LRRC30: variants seen among roughly 807,000 people sequenced by gnomAD.
LRRC30 encodes leucine rich repeat containing 30.
In LRRC30, 10 loss-of-function variants were observed where a neutral mutation model predicts 14.8. The ratio of observed to expected loss-of-function variants is 0.68; its 90% CI spans 0.42 to 1.15. LRRC30 has a LOEUF of 1.15. LRRC30 is among the 50% of genes most tolerant of loss of function. The pLI is 0.00. For synonymous variants in LRRC30, 202 were observed against 175.7 expected (o/e 1.15, Z -1.18); for missense variants, 403 against 373.9 (o/e 1.08, Z -0.64).
Position 7,231,216 on chromosome 18 carries a change from G to A in LRRC30, c.78G>A (p.Lys26=). 5 of 1,613,312 alleles carry A rather than the reference G, an allele frequency of 3.1e-6. No homozygotes were observed. The highest frequency in any genetic ancestry group is 4.2e-6 in the Non-Finnish European group (5 of 1,179,266). The change falls in exon 1 of 1, where the codon AAG becomes AAA. Residue 26 remains lysine (K), a synonymous_variant. Transcript: ENST00000383467. The stretch of plus-strand genomic sequence containing the variant: ...TGCTGTTCACGGGGAGGAGACAGAA[G>A]TTTTCTCCGTGGGACGATGCCCTGC... ...KRMLFTGRRQ[K]FSPWDDALLS... is the part of the protein sequence containing the mutation.
chr18:7,231,220 T>C lies in LRRC30; in HGVS notation c.82T>C (p.Ser28Pro), dbSNP rs2058618375. 2 of 1,613,092 alleles carry C rather than the reference T, an allele frequency of 1.2e-6. No homozygotes were observed. Among genetic ancestry groups the C allele is most frequent in the Non-Finnish European group, 1.7e-6 (2 of 1,179,224 alleles). Residue 28 changes from serine (S) to proline (P), a missense_variant, in exon 1 of 1, where the codon TCT (serine) becomes CCT (proline). Physicochemically the swap from Ser to Pro is moderately conservative, Grantham distance 74. Coordinates refer to ENST00000383467, the MANE Select transcript of LRRC30 (RefSeq NM_001105581.3). ...GTTCACGGGGAGGAGACAGAAGTTT[T>C]CTCCGTGGGACGATGCCCTGCTCTC... is the stretch of plus-strand genomic sequence containing the variant. The part of the protein sequence containing the change: ...MLFTGRRQKF[S>P]PWDDALLSGR...
rs1355618374 is a variant in LRRC30, at chr18:7,231,231, C to T, written c.93C>T (p.Asp31=). 3.1e-6 allele frequency: 5 copies of T among 1,613,784 alleles called. No individual in the cohort carries two copies. Among genetic ancestry groups the T allele is most frequent in the Non-Finnish European group, 4.2e-6 (5 of 1,179,722 alleles). Residue 31 remains aspartate, a synonymous_variant, in exon 1 of 1, where the codon GAC becomes GAT. Transcript: ENST00000383467. ...TGRRQKFSPW[D]DALLSGRDPR... is the part of the protein sequence containing the mutation. ...GGAGACAGAAGTTTTCTCCGTGGGA[C>T]GATGCCCTGCTCTCGGGAAGGGACC...
Position 7,231,359 on chromosome 18 carries a change from A to C in LRRC30, c.221A>C (p.Gln74Pro), listed in dbSNP as rs375259905. 19 of 1,614,126 alleles carry C rather than the reference A, an allele frequency of 1.2e-5. No homozygotes were observed. The African/African-American group carries it at 2.4e-4, about 20-fold the overall frequency. Residue 74 changes from glutamine (Q) to proline (P), a missense_variant, in exon 1 of 1, where the codon CAG (glutamine) becomes CCG (proline). Gln to Pro is a moderately conservative substitution (Grantham distance 76, BLOSUM62 -1). Transcript: ENST00000383467. ...TTTCTGTGGGGCTTGTCCGAGGTCC[A>C]GAAACTCAATCTGTCTCACAACCAG... ...PDFLWGLSEVQKLNLSHNQLR... is the reference protein window; with the variant it reads ...PDFLWGLSEVPKLNLSHNQLR...
In LRRC30 at chr18:7,231,741, C is replaced by T. The variant is rs202241153; in HGVS notation, c.603C>T (p.Ile201=). 5.0e-6 allele frequency: 8 copies of T among 1,614,170 alleles called. No homozygotes were observed. The Admixed American group carries it at 6.7e-5, about 13-fold the overall frequency. ...TGGGCTCGAATCGCCTGGAAAACAT[C>T]GCTGAGAGCATCCAGCACCTGGCCA... is the stretch of plus-strand genomic sequence containing the variant. The part of the protein sequence containing the change: ...LHVGSNRLEN[I]AESIQHLASL... The change falls in exon 1 of 1, where the codon ATC becomes ATT. Residue 201 remains isoleucine (I), a synonymous_variant. Transcript: ENST00000383467.
In LRRC30 at chr18:7,231,095, T is replaced by C. The variant is rs200606033; in HGVS notation, c.-44T>C. 1,818 of 1,536,144 alleles carry C rather than the reference T, an allele frequency of 1.2e-3. 4 individuals carry two copies. The highest frequency in any genetic ancestry group is 1.4e-3 in the Non-Finnish European group (1,588 of 1,140,014). On this transcript the variant is annotated 5_prime_UTR_variant, in exon 1 of 1. Transcript: ENST00000383467. ...TTAGCAGCTGAGAGGACACGGTCCC[T>C]GCCTGGGAGGTGGCAGAGGAGAGTG...
chr18:7,231,619 G>T lies in LRRC30; in HGVS notation c.481G>T (p.Asp161Tyr), dbSNP rs746658153. The change falls in exon 1 of 1, where the codon GAC (aspartate) becomes TAC (tyrosine). Residue 161 changes from aspartate (D) to tyrosine (Y), a missense_variant. Coordinates refer to ENST00000383467, the MANE Select transcript of LRRC30 (RefSeq NM_001105581.3). ...CLSQLPACFADLSRLRKLNLS... is the reference protein window; with the variant it reads ...CLSQLPACFAYLSRLRKLNLS... ...GTCCCAGCTCCCTGCATGCTTCGCC[G>T]ACCTCTCTAGACTGAGGAAGCTAAA... 3 of 1,614,030 alleles carry T rather than the reference G, an allele frequency of 1.9e-6. No individual in the cohort carries two copies. The South Asian group carries it at 3.3e-5, about 18-fold the overall frequency.
Position 7,231,741 on chromosome 18 carries a change from C to A in LRRC30, c.603C>A (p.Ile201=). The A allele has an allele frequency of 6.2e-7, 1 of 1,614,170 alleles. No individual in the cohort carries two copies. Among genetic ancestry groups the A allele is most frequent in the Non-Finnish European group, 8.5e-7 (1 of 1,180,040 alleles). ...LHVGSNRLEN[I]AESIQHLASL... is the part of the protein sequence containing the mutation. ...TGGGCTCGAATCGCCTGGAAAACAT[C>A]GCTGAGAGCATCCAGCACCTGGCCA... The change falls in exon 1 of 1, where the codon ATC becomes ATA. Residue 201 remains isoleucine (I), a synonymous_variant. Coordinates refer to ENST00000383467, the MANE Select transcript of LRRC30 (RefSeq NM_001105581.3).
rs199825121 is a variant in LRRC30, at chr18:7,231,113, G to A, written c.-26G>A. On this transcript the variant is annotated 5_prime_UTR_variant, in exon 1 of 1. Coordinates refer to ENST00000383467, the MANE Select transcript of LRRC30 (RefSeq NM_001105581.3). Reference sequence around the variant, plus strand: ...CGGTCCCTGCCTGGGAGGTGGCAGAGGAGAGTGACTAGAAGGGAAGGTACA... The same window carrying A: ...CGGTCCCTGCCTGGGAGGTGGCAGAAGAGAGTGACTAGAAGGGAAGGTACA... 26 of 1,548,778 alleles carry A rather than the reference G, an allele frequency of 1.7e-5. No homozygotes were observed. The highest frequency in any genetic ancestry group is 3.6e-4 in the Middle Eastern group (2 of 5,628).
rs1402862266 is a variant in LRRC30 at position 7,231,879 on chromosome 18, C to T, written c.741C>T (p.Leu247=). The T allele has an allele frequency of 3.7e-6, 6 of 1,614,136 alleles. No individual in the cohort carries two copies. Among genetic ancestry groups the T allele is most frequent in the Non-Finnish European group, 5.1e-6 (6 of 1,180,034 alleles). ...TCAACAACAATGACATCCAGACCCT[C>T]CCGAGCGAACTCCACCTGCTGTGTA... is the stretch of plus-strand genomic sequence containing the variant. The part of the protein sequence containing the change: ...LNLNNNDIQT[L]PSELHLLCRL... Residue 247 remains leucine (L), a synonymous_variant, in exon 1 of 1, where the codon CTC becomes CTT. Transcript: ENST00000383467.
In LRRC30 at chr18:7,231,547, A is replaced by AG; in HGVS notation, c.410dup (p.Ser137ArgfsTer28). On this transcript the variant is annotated frameshift_variant, in exon 1 of 1. Transcript: ENST00000383467. LOFTEE classifies it high-confidence loss of function. ...CCTGACAGAGGTGCCGGCCGAGCTG[A>AG]GCTTGTGCCGAAAGCTGGAGGTCCT... 6.2e-7 allele frequency: 1 copy of AG among 1,613,670 alleles called. No homozygotes were observed. Among genetic ancestry groups the AG allele is most frequent in the East Asian group, 2.2e-5 (1 of 44,862 alleles).
Position 7,231,900 on chromosome 18 carries a change from G to T in LRRC30, c.762G>T (p.Leu254=). The T allele has an allele frequency of 6.2e-7, 1 of 1,614,058 alleles. No individual in the cohort carries two copies. The highest frequency in any genetic ancestry group is 1.7e-5 in the Admixed American group (1 of 60,012). The change falls in exon 1 of 1, where the codon CTG becomes CTT. Residue 254 remains leucine (L), a synonymous_variant. Transcript: ENST00000383467. ...CCCTCCCGAGCGAACTCCACCTGCTGTGTAGACTGGTGAGGATCGCCTGGA... is the reference window on the plus strand; with the variant it reads ...CCCTCCCGAGCGAACTCCACCTGCTTTGTAGACTGGTGAGGATCGCCTGGA... ...IQTLPSELHL[L]CRLVRIAWNP...
At position 7,231,344 on chromosome 18, in the gene LRRC30, G is replaced by A. The variant is rs777109840; in HGVS notation, c.206G>A (p.Gly69Asp). 14 of 1,614,126 alleles carry A rather than the reference G, an allele frequency of 8.7e-6. No individual in the cohort carries two copies. The Admixed American group carries it at 2.3e-4, about 27-fold the overall frequency. Residue 69 changes from glycine to aspartate, a missense_variant, in exon 1 of 1, where the codon GGC becomes GAC. By Grantham distance (94) the Gly-to-Asp change is moderately conservative (BLOSUM62 -1). Transcript: ENST00000383467. The part of the protein sequence containing the change: ...GMTDIPDFLW[G>D]LSEVQKLNLS... ...ACAGACATCCCCGACTTTCTGTGGG[G>A]CTTGTCCGAGGTCCAGAAACTCAAT...
chr18:7,231,581 C>T lies in LRRC30; in HGVS notation c.443C>T (p.Ser148Leu), dbSNP rs541201294. The T allele has an allele frequency of 4.3e-6, 7 of 1,613,904 alleles. No homozygotes were observed. Among genetic ancestry groups the T allele is most frequent in the Non-Finnish European group, 5.9e-6 (7 of 1,180,040 alleles). The change falls in exon 1 of 1, where the codon TCG becomes TTG. Residue 148 changes from serine to leucine, a missense_variant. Transcript: ENST00000383467. ...LCRKLEVLSL[S>L]HNCLSQLPAC... The stretch of plus-strand genomic sequence containing the variant: ...CGAAAGCTGGAGGTCCTGAGCTTGT[C>T]GCACAACTGCCTGTCCCAGCTCCCT...
chr18:7,231,896 T>C lies in LRRC30; in HGVS notation c.758T>C (p.Leu253Pro). 6.2e-7 allele frequency: 1 copy of C among 1,614,062 alleles called. No individual in the cohort carries two copies. Among genetic ancestry groups the C allele is most frequent in the African/African-American group, 1.3e-5 (1 of 75,016 alleles). ...DIQTLPSELH[L>P]LCRLVRIAWN... ...CAGACCCTCCCGAGCGAACTCCACCTGCTGTGTAGACTGGTGAGGATCGCC... is the reference window on the plus strand; with the variant it reads ...CAGACCCTCCCGAGCGAACTCCACCCGCTGTGTAGACTGGTGAGGATCGCC... Residue 253 changes from leucine (L) to proline (P), a missense_variant, in exon 1 of 1, where the codon CTG becomes CCG. By Grantham distance (98) the Leu-to-Pro change is moderately conservative. Coordinates refer to ENST00000383467, the MANE Select transcript of LRRC30 (RefSeq NM_001105581.3).
rs1414429894 is a variant in LRRC30 at position 7,231,639 on chromosome 18, G to GTAAA, written c.501_502insTAAA (p.Leu168Ter). 1.2e-6 allele frequency: 2 copies of GTAAA among 1,614,048 alleles called. No homozygotes were observed. On this transcript the variant is annotated stop_gained and frameshift_variant, in exon 1 of 1. Transcript: ENST00000383467. LOFTEE classifies it high-confidence loss of function. ...TCGCCGACCTCTCTAGACTGAGGAA[G>GTAAA]CTAAACCTCAGCAACAACTTCTTCG...
Position 7,231,356 on chromosome 18 carries a change from T to C in LRRC30, c.218T>C (p.Val73Ala). The C allele has an allele frequency of 1.2e-6, 2 of 1,614,116 alleles. No individual in the cohort carries two copies. Among genetic ancestry groups the C allele is most frequent in the Non-Finnish European group, 1.7e-6 (2 of 1,180,026 alleles). The stretch of plus-strand genomic sequence containing the variant: ...GACTTTCTGTGGGGCTTGTCCGAGG[T>C]CCAGAAACTCAATCTGTCTCACAAC... ...IPDFLWGLSE[V>A]QKLNLSHNQL... is the part of the protein sequence containing the mutation. Residue 73 changes from valine (V) to alanine (A), a missense_variant, in exon 1 of 1, where the codon GTC becomes GCC. Physicochemically the swap from Val to Ala is moderately conservative, Grantham distance 64. Coordinates refer to ENST00000383467, the MANE Select transcript of LRRC30 (RefSeq NM_001105581.3).
Position 7,231,368 on chromosome 18 carries a change from A to G in LRRC30, c.230A>G (p.Asn77Ser). The G allele has an allele frequency of 1.9e-6, 3 of 1,614,192 alleles. No homozygotes were observed. The highest frequency in any genetic ancestry group is 2.5e-6 in the Non-Finnish European group (3 of 1,180,036). Residue 77 changes from asparagine (N) to serine (S), a missense_variant, in exon 1 of 1, where the codon AAT becomes AGT. Asn to Ser is a conservative substitution (Grantham distance 46, BLOSUM62 1). Transcript: ENST00000383467. The part of the protein sequence containing the change: ...LWGLSEVQKL[N>S]LSHNQLRVLP... ...GGCTTGTCCGAGGTCCAGAAACTCA[A>G]TCTGTCTCACAACCAGCTCCGGGTT...
In LRRC30 at chr18:7,231,113, G is replaced by C; in HGVS notation, c.-26G>C. On this transcript the variant is annotated 5_prime_UTR_variant, in exon 1 of 1. Transcript: ENST00000383467. Reference sequence around the variant, plus strand: ...CGGTCCCTGCCTGGGAGGTGGCAGAGGAGAGTGACTAGAAGGGAAGGTACA... The same window carrying C: ...CGGTCCCTGCCTGGGAGGTGGCAGACGAGAGTGACTAGAAGGGAAGGTACA... 1 of 1,548,778 alleles carries C rather than the reference G, an allele frequency of 6.5e-7. No individual in the cohort carries two copies. The highest frequency in any genetic ancestry group is 1.9e-5 in the Admixed American group (1 of 52,952).
At position 7,231,857 on chromosome 18, in the gene LRRC30, A is replaced by G. The variant is rs77059471; in HGVS notation, c.719A>G (p.Asn240Ser). The part of the protein sequence containing the change: ...LVTSLELLNL[N>S]NNDIQTLPSE... ...ACCAGCCTGGAGCTGCTGAACCTCA[A>G]CAACAATGACATCCAGACCCTCCCG... The change falls in exon 1 of 1, where the codon AAC becomes AGC. Residue 240 changes from asparagine (N) to serine (S), a missense_variant. By Grantham distance (46) the Asn-to-Ser change is conservative. Transcript: ENST00000383467. The G allele has an allele frequency of 4.1e-4, 661 of 1,614,098 alleles. No individual in the cohort carries two copies. In the African/African-American group the frequency reaches 8.0e-3, roughly 19 times the overall value.
Sources: allele counts gnomAD v4.1 joint callset, GRCh38; gene constraint gnomAD v4.1.1; transcripts MANE v1.5; gene names NCBI Gene and HGNC (gene_info 2026-07-23, HGNC 2026-07-21).